ITGA11: variants seen among roughly 807,000 people sequenced by gnomAD.
ITGA11 encodes the protein integrin alpha-11.
ITGA11 carries 97 observed loss-of-function variants against 141.9 expected under a neutral mutation model. The ratio of observed to expected loss-of-function variants is 0.68; its 90% confidence interval spans 0.58 to 0.81. The LOEUF is 0.81. Ranked by LOEUF, ITGA11 falls within the 30% of genes least tolerant of loss-of-function variation. ITGA11 has a pLI of 0.00. For synonymous variants in ITGA11, 658 were observed against 624.6 expected, an observed-to-expected ratio of 1.05 and a Z score of -0.80; for missense variants, 1,387 against 1,559.2, an observed-to-expected ratio of 0.89 and a Z score of 1.86.
rs778530967 is a variant in ITGA11, at chr15:68,299,376, G to A, written c.*3683C>T. On this transcript the variant is annotated 3_prime_UTR_variant, in exon 30 of 30. Coordinates refer to ENST00000315757, the MANE Select transcript of ITGA11 (RefSeq NM_001004439.2). The stretch of plus-strand genomic sequence containing the variant: ...GTTAGGCCTGGCTGTCCTTTGAGAA[G>A]AACCTAGTTGATGTTAATATTAACA... 3 of 151,262 alleles carry A rather than the reference G, an allele frequency of 2.0e-5. No individual in the cohort carries two copies. Among genetic ancestry groups the A allele is most frequent in the Non-Finnish European group, 4.4e-5 (3 of 67,904 alleles). The allele number at this position is 151,262 out of a possible 1,614,324, so 9.4% of individuals were successfully genotyped here. A position where few individuals can be genotyped will look rare whatever the true frequency, so the allele number is the denominator to read the frequency against.
intron 4 of ITGA11, 89 bp from the exon 5 acceptor site, chr15:68,361,793 C>A (rs552006586): frequency 2.5e-6 from 2 of 816,122 alleles, no homozygotes; most frequent in South Asian, 1.6e-5. Flanking sequence ...CCATCCTCCA[C>A]GACCCAAGAC....
At position 68,302,987 on chromosome 15, in the gene ITGA11, C is replaced by T; in HGVS notation, c.*72G>A. 2 of 1,286,440 alleles carry T rather than the reference C, an allele frequency of 1.6e-6. No individual in the cohort carries two copies. The highest frequency in any genetic ancestry group is 2.7e-5 in the South Asian group (2 of 73,470). The allele number at this position is 1,286,440 out of a possible 1,614,324, so 79.7% of individuals were successfully genotyped here. ...CCTCTCCGCTCCAGCTCGGTGGGGC[C>T]ACAGGCCTGGGTCTCAACACTACCT... On this transcript the variant is annotated 3_prime_UTR_variant, in exon 30 of 30. Transcript: ENST00000315757.
chr15:68,298,228 G>T lies in ITGA11; in HGVS notation c.*4831C>A, dbSNP rs1277543971. The T allele has an allele frequency of 6.6e-6, 1 of 152,124 alleles. No individual in the cohort carries two copies. Among genetic ancestry groups the T allele is most frequent in the Admixed American group, 6.5e-5 (1 of 15,280 alleles). 9.4% of individuals were successfully genotyped at this position (152,124 alleles called of 1,614,324 possible). A position where few individuals can be genotyped will look rare whatever the true frequency, so the allele number is the denominator to read the frequency against. On this transcript the variant is annotated 3_prime_UTR_variant, in exon 30 of 30. Coordinates refer to ENST00000315757, the MANE Select transcript of ITGA11 (RefSeq NM_001004439.2). ...TGGTTCACAAAACCTTAGCTTGTTG[G>T]CAAGTTTAGACAAAATTATATTTTC... is the stretch of plus-strand genomic sequence containing the variant.
At chr15:68,367,519 T>C (rs987238668) in intron 3 of ITGA11, among the ~76,000 whole-genome samples, 2 of 152,152 alleles carry the variant, frequency 1.3e-5, no homozygotes, top group African/African-American at 4.8e-5. Context: ...TCACCTTCTA[T>C]GGTAGAAATC....
chr15:68,303,844 G>A lies in ITGA11; in HGVS notation c.3423C>T (p.Pro1141=). ...GGGTGCTGCCTACAATGATCCAGAT[G>A]GGGACCTGCCAGTCCTCTTGCTTGG... ...EISKQEDWQV[P]IWIIVGSTLG... Residue 1141 remains proline (P), a synonymous_variant, in exon 29 of 30, where the codon CCC becomes CCT. Transcript: ENST00000315757. The surrounding 1 kb of genome is among the most constrained non-coding windows in gnomAD (Gnocchi z 5.3). 1 of 1,613,220 alleles carries A rather than the reference G, an allele frequency of 6.2e-7. No individual in the cohort carries two copies. Among genetic ancestry groups the A allele is most frequent in the Non-Finnish European group, 8.5e-7 (1 of 1,179,446 alleles).
intron 1 of ITGA11, among the ~76,000 whole-genome samples, chr15:68,420,065 C>T (rs1355040903): frequency 6.6e-6 from 1 of 152,094 alleles, no homozygotes; most frequent in African/African-American, 2.4e-5. Flanking sequence ...CTTGGTGGTT[C>T]CCAGGGATTG....
intron 11 of ITGA11, among the ~76,000 whole-genome samples, chr15:68,338,470 C>A (rs994702530): frequency 6.6e-6 from 1 of 152,180 alleles, no homozygotes; most frequent in Non-Finnish European, 1.5e-5. Context: ...TAACACCTTG[C>A]GAATTAAATG....
At chr15:68,327,683 C>A (rs954834565) in intron 16 of ITGA11, among the ~76,000 whole-genome samples, 1 of 152,172 alleles carries the variant, frequency 6.6e-6, no homozygotes, top group Admixed American at 6.5e-5. Flanking sequence ...CACTTCTGAG[C>A]GGGGCTCCCT....
chr15:68,365,739 TC>T (rs1663966661), intron 3 of ITGA11, among the ~76,000 whole-genome samples: 1 of 151,566 alleles, frequency 6.6e-6, no homozygotes, highest in Admixed American at 6.6e-5. Flanking sequence ...CCCTCCCTTT[TC>T]TTTTCTTTTT....
chr15:68,345,209 C>T (rs902511304), intron 10 of ITGA11, among the ~76,000 whole-genome samples: 4 of 152,170 alleles, frequency 2.6e-5, no homozygotes, highest in African/African-American at 9.7e-5. Flanking sequence ...CGTTCATTTC[C>T]AAATGCTAAT....
intron 1 of ITGA11, among the ~76,000 whole-genome samples, chr15:68,426,425 G>A (rs968165761): frequency 6.6e-6 from 1 of 152,182 alleles, no homozygotes; most frequent in Non-Finnish European, 1.5e-5. Context: ...TGGGCACCTG[G>A]GGGCAGGTGG....
At chr15:68,352,612 C>T (rs1338777719) in intron 7 of ITGA11, among the ~76,000 whole-genome samples, 5 of 152,188 alleles carry the variant, frequency 3.3e-5, no homozygotes, top group African/African-American at 1.2e-4. Context: ...CCATAAAATG[C>T]GTGCGATGAG....
chr15:68,400,920 T>A (rs1896490791), intron 2 of ITGA11, among the ~76,000 whole-genome samples: 2 of 104,740 alleles, frequency 1.9e-5, no homozygotes, highest in African/African-American at 8.2e-5. Context: ...TAATAAATAT[T>A]ATAATATTAT....
chr15:68,416,087 C>T (rs1896880503), intron 1 of ITGA11, among the ~76,000 whole-genome samples: 1 of 152,220 alleles, frequency 6.6e-6, no homozygotes, highest in Non-Finnish European at 1.5e-5. Flanking sequence ...CTACTTCAGT[C>T]TTGTCATCTC....
In ITGA11 at chr15:68,325,084, G is replaced by A; in HGVS notation, c.2322+47C>T. On this transcript the variant is annotated intron_variant, in intron 18 of 29. Coordinates refer to ENST00000315757, the MANE Select transcript of ITGA11 (RefSeq NM_001004439.2). This position sits in a 1 kb window ranked among gnomAD's most constrained non-coding sequence, Gnocchi z 5.5. The stretch of plus-strand genomic sequence containing the variant: ...TGGGCTTTGGGGTTGAGGTGGAGGT[G>A]GGGGTGGGGTTCATGCCCGAGGTGC... 1 of 1,348,726 alleles carries A rather than the reference G, an allele frequency of 7.4e-7. No homozygotes were observed. Among genetic ancestry groups the A allele is most frequent in the Non-Finnish European group, 1.1e-6 (1 of 937,840 alleles). The allele number at this position is 1,348,726 out of a possible 1,614,324, so 83.5% of individuals were successfully genotyped here.
chr15:68,378,155 G>A (rs1567150572), intron 2 of ITGA11, among the ~76,000 whole-genome samples: 1 of 152,366 alleles, frequency 6.6e-6, no homozygotes, highest in Non-Finnish European at 1.5e-5. Flanking sequence ...ATGGCAGGCC[G>A]TGGGCCAGAG....
chr15:68,407,587 G>A (rs1595895094), intron 1 of ITGA11, among the ~76,000 whole-genome samples: 3 of 152,184 alleles, frequency 2.0e-5, no homozygotes, highest in East Asian at 3.8e-4. Context: ...TTGCAGAGAT[G>A]TTGGGAGCCT....
At chr15:68,404,923 TC>T (rs1229046077) in intron 1 of ITGA11, among the ~76,000 whole-genome samples, 3 of 152,142 alleles carry the variant, frequency 2.0e-5, no homozygotes, top group African/African-American at 7.2e-5. Flanking sequence ...TATCATTCGA[TC>T]TCCATGACAA....
intron 9 of ITGA11, among the ~76,000 whole-genome samples, chr15:68,349,690 G>C (rs943845055): frequency 6.6e-6 from 1 of 152,050 alleles, no homozygotes; most frequent in African/African-American, 2.4e-5. Flanking sequence ...CCCAAAGCCC[G>C]ATATTGGAAG....
Sources: allele counts gnomAD v4.1 joint callset (sites outside exome capture counted in the v4.1 genomes callset), GRCh38; gene constraint gnomAD v4.1.1; non-coding constraint Gnocchi (gnomAD v3.1); transcripts MANE v1.5; gene names NCBI Gene and HGNC (gene_info 2026-07-23, HGNC 2026-07-21).